KCNG3: variants seen among roughly 807,000 people sequenced by gnomAD.
KCNG3 encodes voltage-gated potassium channel regulatory subunit KCNG3.
Under a neutral mutation model 29.0 loss-of-function variants are expected in KCNG3, and 15 were observed. That is an observed-to-expected ratio of 0.52 (90% CI 0.35 to 0.80). KCNG3 has a LOEUF of 0.80. Ranked by LOEUF, KCNG3 falls within the 30% of genes least tolerant of loss-of-function variation. The probability of loss-of-function intolerance (pLI) is 0.01; values close to 1 mark genes in which losing one functional copy is unlikely to be tolerated. For synonymous variants in KCNG3, 322 were observed against 248.9 expected, an observed-to-expected ratio of 1.29 and a Z score of -2.76; for missense variants, 512 against 605.7, an observed-to-expected ratio of 0.85 and a Z score of 1.62.
chr2:42,419,107 ATGCTAC>A, the KCNG3 span, among the ~76,000 whole-genome samples: 1 of 151,728 alleles, frequency 6.6e-6, no homozygotes, highest in South Asian at 2.1e-4. Context: ...TAACTGAAAA[ATGCTAC>A]TGTGCGTTTT....
At position 42,444,908 on chromosome 2, in the gene KCNG3, AT is replaced by A. The variant is rs200672659; in HGVS notation, c.666-330del. Among the ~76,000 whole-genome samples the A allele has an allele frequency of 1.4e-5, 2 of 144,354 alleles. No homozygotes were observed. The highest frequency in any genetic ancestry group is 1.4e-4 in the Admixed American group (2 of 14,356). 94.7% of individuals were successfully genotyped at this position (144,354 alleles called of 152,430 possible). On this transcript the variant is annotated intron_variant, in intron 1 of 1. Transcript: ENST00000306078. The surrounding 1 kb of genome is among the most constrained non-coding windows in gnomAD (Gnocchi z 5.8). ...AAAACCCCGTCTCCACAAAAAAAAA[AT>A]ACAAAAATCAGCTGGGCTTGGTGAC... is the stretch of plus-strand genomic sequence containing the variant.
At chr2:42,463,852 A>G (rs1300790847) in intron 1 of KCNG3, 2 of 263,044 alleles carry the variant, frequency 7.6e-6, no homozygotes, top group African/African-American at 2.3e-5. Flanking sequence ...TGGTGGCCTC[A>G]GTGTTGGCTG....
At chr2:42,459,215 TAGAG>T (rs1353159391) in intron 1 of KCNG3, among the ~76,000 whole-genome samples, 5 of 122,320 alleles carry the variant, frequency 4.1e-5, no homozygotes, top group African/African-American at 1.2e-4. Context: ...AAAAAAAAAA[TAGAG>T]AGAGTGAGAA....
At chr2:42,419,231 T>C in the KCNG3 span, among the ~76,000 whole-genome samples, 11 of 105,232 alleles carry the variant, frequency 1.0e-4, no homozygotes, top group East Asian at 2.8e-3. Context: ...TTTTTTTTTT[T>C]TTTTTTTTTT....
intron 1 of KCNG3, chr2:42,463,980 C>T (rs985868057): frequency 6.8e-5 from 21 of 306,736 alleles, no homozygotes; most frequent in African/African-American, 2.5e-4. Flanking sequence ...GATCAGCGTA[C>T]GTGGGAGGCT....
At chr2:42,433,328 G>C in the KCNG3 span, among the ~76,000 whole-genome samples, 2 of 152,200 alleles carry the variant, frequency 1.3e-5, no homozygotes, top group African/African-American at 2.4e-5. Context: ...GGAATAGCTA[G>C]AGAACAGGTA....
chr2:42,419,203 A>G, the KCNG3 span, among the ~76,000 whole-genome samples: 4 of 139,174 alleles, frequency 2.9e-5, no homozygotes, highest in Admixed American at 2.2e-4. Context: ...GTCACAATAA[A>G]GCTCAGATGG....
chr2:42,424,114 T>C, the KCNG3 span, among the ~76,000 whole-genome samples: 1 of 152,158 alleles, frequency 6.6e-6, no homozygotes, highest in African/African-American at 2.4e-5. Context: ...TTCTACTTTC[T>C]GCAAAGTAAA....
chr2:42,394,436 T>A, the KCNG3 span, among the ~76,000 whole-genome samples: 1 of 152,230 alleles, frequency 6.6e-6, no homozygotes, highest in Non-Finnish European at 1.5e-5. Context: ...CTAACTTACC[T>A]GTATTACTTA....
intron 1 of KCNG3, among the ~76,000 whole-genome samples, chr2:42,486,049 C>A (rs1163480805): frequency 1.3e-5 from 2 of 152,166 alleles, no homozygotes; most frequent in Non-Finnish European, 2.9e-5. Flanking sequence ...CATCTATGAT[C>A]CTTCTCCCAC....
At chr2:42,475,640 T>A (rs1405748172) in intron 1 of KCNG3, among the ~76,000 whole-genome samples, 1 of 147,496 alleles carries the variant, frequency 6.8e-6, no homozygotes, top group South Asian at 2.1e-4. Flanking sequence ...TGAGACTCTG[T>A]CTCTTTAAAA....
At chr2:42,406,776 G>C in the KCNG3 span, among the ~76,000 whole-genome samples, 1 of 149,460 alleles carries the variant, frequency 6.7e-6, no homozygotes, top group Non-Finnish European at 1.5e-5. Context: ...GCAGTGAGCT[G>C]AGATCGCACC....
chr2:42,457,552 T>C (rs1672904837), intron 1 of KCNG3, among the ~76,000 whole-genome samples: 2 of 150,278 alleles, frequency 1.3e-5, no homozygotes, highest in African/African-American at 4.9e-5. Flanking sequence ...AGGTTAATAA[T>C]ATTTACAAGG....
Position 42,444,386 on chromosome 2 carries a change from T to C in KCNG3, c.859A>G (p.Thr287Ala). 2.5e-6 allele frequency: 4 copies of C among 1,614,078 alleles called. No individual in the cohort carries two copies. Among genetic ancestry groups the C allele is most frequent in the Non-Finnish European group, 3.4e-6 (4 of 1,179,964 alleles). The change falls in exon 2 of 2, where the codon ACC becomes GCC. Residue 287 changes from threonine (T) to alanine (A), a missense_variant. Transcript: ENST00000306078. This position sits in a 1 kb window ranked among gnomAD's most constrained non-coding sequence, Gnocchi z 5.8. ...CTCATCATTCTAAGTACCCTCAAGG[T>C]GACTCCAGCCCTCTGGAGTTGAGAG... ...ENSQLQRAGV[T>A]LRVLRMMRIF...
the KCNG3 span, among the ~76,000 whole-genome samples, chr2:42,404,088 G>A: frequency 4.5e-4 from 68 of 152,150 alleles, no homozygotes; most frequent in Non-Finnish European, 7.8e-4. Flanking sequence ...CCCATAAAAC[G>A]GTCCAGGCCT....
the KCNG3 span, among the ~76,000 whole-genome samples, chr2:42,408,442 C>T: frequency 6.6e-6 from 1 of 152,180 alleles, no homozygotes; most frequent in Non-Finnish European, 1.5e-5. Flanking sequence ...GCTGGGCAGA[C>T]CTCAGGATGA....
intron 1 of KCNG3, among the ~76,000 whole-genome samples, chr2:42,452,243 ATTT>A (rs771771721): frequency 0.098 from 9,264 of 94,964 alleles, 831 homozygotes; most frequent in Admixed American, 0.3. Flanking sequence ...ATATATATAT[ATTT>A]TTTTTTTTTT....
At chr2:42,492,765 G>C (rs1025311255) in intron 1 of KCNG3, 72 bp downstream of exon 1, 1 of 1,322,628 alleles carries the variant, frequency 7.6e-7, no homozygotes, top group African/African-American at 1.6e-5. Context: ...ACAGGACGGA[G>C]ACGGGACGTA....
rs761662694 is a variant in KCNG3, at chr2:42,493,358, G to A, written c.144C>T (p.Leu48=). Residue 48 remains leucine, a synonymous_variant, in exon 1 of 2, where the codon CTC becomes CTT. Transcript: ENST00000306078. The part of the protein sequence containing the change: ...LHGCRSERDV[L]EVCDDYDRER... ...CGCGGTCGTAGTCGTCGCACACCTC[G>A]AGCACGTCGCGCTCGGAGCGGCAGC... The A allele has an allele frequency of 2.5e-5, 40 of 1,580,070 alleles. No homozygotes were observed. The South Asian group carries it at 4.4e-4, about 17-fold the overall frequency.
Sources: gnomAD v4.1 joint callset for allele counts (sites outside exome capture counted in the v4.1 genomes callset) on GRCh38, gnomAD v4.1.1 for gene constraint, Gnocchi (gnomAD v3.1) non-coding constraint, MANE v1.5 for transcripts, NCBI Gene and HGNC (gene_info 2026-07-23, HGNC 2026-07-21) for gene names.